The following SIPA1L2 variants were observed in gnomAD, a reference collection of about 807,000 sequenced individuals.
SIPA1L2 encodes signal-induced proliferation-associated 1-like protein 2.
Under a neutral mutation model 163.9 loss-of-function variants are expected in SIPA1L2, and 56 were observed. That is an observed-to-expected ratio of 0.34 (90% CI 0.28 to 0.43). SIPA1L2 has a LOEUF of 0.43. Among genes scored for constraint, SIPA1L2 ranks in the 20% least tolerant of loss-of-function variants. SIPA1L2 has a pLI of 1.00. For synonymous variants in SIPA1L2, 877 were observed against 865.7 expected, an observed-to-expected ratio of 1.01 and a Z score of -0.23; for missense variants, 1,974 against 2,193.5, an observed-to-expected ratio of 0.90 and a Z score of 2.00.
chr1:232,482,464 GA>G (rs1665411561), intron 6 of SIPA1L2, among the ~76,000 whole-genome samples: 2 of 151,568 alleles, frequency 1.3e-5, no homozygotes, highest in Admixed American at 1.3e-4. Context: ...AAGAAAATCA[GA>G]AAAGGTCTCA....
At chr1:232,571,659 G>A (rs1271399742) in intron 2 of SIPA1L2, among the ~76,000 whole-genome samples, 2 of 152,200 alleles carry the variant, frequency 1.3e-5, no homozygotes, top group East Asian at 3.9e-4. Flanking sequence ...AATCATGGAG[G>A]TGGATCCCTC....
chr1:232,620,415 C>T (rs1400468398), intron 1 of SIPA1L2, among the ~76,000 whole-genome samples: 1 of 152,154 alleles, frequency 6.6e-6, no homozygotes, highest in Non-Finnish European at 1.5e-5. Context: ...TAAGCCTTTG[C>T]TATTGGAATA....
intron 1 of SIPA1L2, among the ~76,000 whole-genome samples, chr1:232,621,099 A>C (rs145440152): frequency 6.6e-6 from 1 of 152,256 alleles, no homozygotes; most frequent in African/African-American, 2.4e-5. Flanking sequence ...GGCTAAAAAA[A>C]ATGTTCTCTG....
At chr1:232,516,308 T>G (rs1394479513) in intron 2 of SIPA1L2, among the ~76,000 whole-genome samples, 1 of 152,240 alleles carries the variant, frequency 6.6e-6, no homozygotes. Context: ...AGTGAGATAC[T>G]GGGTAAGAAG....
intron 10 of SIPA1L2, among the ~76,000 whole-genome samples, chr1:232,447,465 T>C (rs184322711): frequency 6.6e-6 from 1 of 152,326 alleles, no homozygotes; most frequent in Non-Finnish European, 1.5e-5. Context: ...TGCTGCACAG[T>C]GCAAAGGATG....
At chr1:232,416,576 T>C (rs1661278705) in intron 18 of SIPA1L2, among the ~76,000 whole-genome samples, 1 of 152,200 alleles carries the variant, frequency 6.6e-6, no homozygotes, top group South Asian at 2.1e-4. Flanking sequence ...ACAATCTCCA[T>C]CCTGATTCAT....
chr1:232,514,670 C>T lies in SIPA1L2; in HGVS notation c.670G>A (p.Ala224Thr). ...TCAGGGAACCCAAAAGGGACCATTG[C>T]TTTGTGGTCATAATTTTCTACTCGG... The part of the protein sequence containing the change: ...GYRVENYDHK[A>T]MVPFGFPEFF... The change falls in exon 3 of 23, where the codon GCA becomes ACA. Residue 224 changes from alanine to threonine, a missense_variant. Transcript: ENST00000674635. 1.2e-6 allele frequency: 2 copies of T among 1,614,170 alleles called. No homozygotes were observed. Among genetic ancestry groups the T allele is most frequent in the Non-Finnish European group, 1.7e-6 (2 of 1,180,032 alleles).
intron 6 of SIPA1L2, among the ~76,000 whole-genome samples, chr1:232,481,410 C>T (rs1301713813): frequency 6.6e-6 from 1 of 152,036 alleles, no homozygotes; most frequent in Non-Finnish European, 1.5e-5. Context: ...AAGAGAAATG[C>T]TGACTGATAT....
At chr1:232,575,085 A>C (rs866470649) in intron 1 of SIPA1L2, among the ~76,000 whole-genome samples, 1 of 152,174 alleles carries the variant, frequency 6.6e-6, no homozygotes, top group Non-Finnish European at 1.5e-5. Flanking sequence ...ATTTCTGCAA[A>C]CTCAACTACA....
chr1:232,621,301 C>T (rs1471021622), intron 1 of SIPA1L2, among the ~76,000 whole-genome samples: 1 of 152,156 alleles, frequency 6.6e-6, no homozygotes, highest in African/African-American at 2.4e-5. Flanking sequence ...CCACTTCCCC[C>T]TTTCAGTGAT....
intron 10 of SIPA1L2, among the ~76,000 whole-genome samples, chr1:232,448,885 T>C (rs2102882442): frequency 6.6e-6 from 1 of 152,210 alleles, no homozygotes; most frequent in South Asian, 2.1e-4. Flanking sequence ...GCAGTGGTTT[T>C]TAGAGAACAG....
chr1:232,439,389 G>A lies in SIPA1L2; in HGVS notation c.3750C>T (p.Pro1250=), dbSNP rs779538128. ...TGATGTAGGTCAGCCCCAGTAATTC[G>A]GGGTCCATCAGGTCGCCAGACCCAA... ...KHFGSGDLMD[P]ELLGLTYIKG... The change falls in exon 15 of 23, where the codon CCC becomes CCT. Residue 1250 remains proline (P), a synonymous_variant. Coordinates refer to ENST00000674635, the MANE Select transcript of SIPA1L2 (RefSeq NM_020808.5). 53 of 1,614,164 alleles carry A rather than the reference G, an allele frequency of 3.3e-5. No homozygotes were observed. In the East Asian group the frequency reaches 8.9e-4, roughly 27 times the overall value.
chr1:232,578,163 G>C (rs745668002), intron 1 of SIPA1L2, among the ~76,000 whole-genome samples: 1 of 152,092 alleles, frequency 6.6e-6, no homozygotes, highest in Non-Finnish European at 1.5e-5. Context: ...TTAGCAAAAA[G>C]TATTTTTAAA....
intron 18 of SIPA1L2, among the ~76,000 whole-genome samples, chr1:232,422,578 T>C (rs2102802616): frequency 6.6e-6 from 1 of 152,286 alleles, no homozygotes; most frequent in African/African-American, 2.4e-5. Context: ...TCTCTCCTGG[T>C]GAAAGATTCT....
intron 18 of SIPA1L2, among the ~76,000 whole-genome samples, chr1:232,420,017 T>C (rs755901449): frequency 1.6e-4 from 24 of 152,122 alleles, no homozygotes; most frequent in Non-Finnish European, 2.5e-4. Context: ...GAGAGGGGTT[T>C]GGAGTAGGAT....
rs544076655 is a variant in SIPA1L2 at position 232,504,524 on chromosome 1, C to G, written c.1483+9333G>C. Among the ~76,000 whole-genome samples, 5 of 151,298 alleles carry G rather than the reference C, an allele frequency of 3.3e-5. No homozygotes were observed. The East Asian group carries it at 9.8e-4, about 30-fold the overall frequency. On this transcript the variant is annotated intron_variant, in intron 3 of 22. Transcript: ENST00000674635. Reference sequence around the variant, plus strand: ...CTGCACTCCAGCCTGGGCAACAGAGCGAGACTCCATCTCAGAAAGACAAAA... The same window carrying G: ...CTGCACTCCAGCCTGGGCAACAGAGGGAGACTCCATCTCAGAAAGACAAAA...
chr1:232,598,858 T>C (rs1326122690), intron 1 of SIPA1L2, among the ~76,000 whole-genome samples: 1 of 150,728 alleles, frequency 6.6e-6, no homozygotes, highest in East Asian at 1.9e-4. Flanking sequence ...ACCAAGCAAG[T>C]AGAGACTGGT....
At position 232,460,807 on chromosome 1, in the gene SIPA1L2, C is replaced by T. The variant is rs1373057392; in HGVS notation, c.3095+80G>A. 12 of 1,516,004 alleles carry T rather than the reference C, an allele frequency of 7.9e-6. No homozygotes were observed. In the Admixed American group the frequency reaches 1.8e-4, roughly 23 times the overall value. 93.9% of individuals were successfully genotyped at this position (1,516,004 alleles called of 1,614,324 possible). A position where few individuals can be genotyped will look rare whatever the true frequency, so the allele number is the denominator to read the frequency against. On this transcript the variant is annotated intron_variant, in intron 10 of 22. Transcript: ENST00000674635. Reference sequence around the variant, plus strand: ...CACACTTGACTGCATTTTCTGAGGACCTTGCAGGAGCACTGAGGACAGCCA... The same window carrying T: ...CACACTTGACTGCATTTTCTGAGGATCTTGCAGGAGCACTGAGGACAGCCA...
rs563100085 is a variant in SIPA1L2, at chr1:232,514,614, C to G, written c.726G>C (p.Pro242=). The G allele has an allele frequency of 6.2e-7, 1 of 1,614,024 alleles. No individual in the cohort carries two copies. Among genetic ancestry groups the G allele is most frequent in the Non-Finnish European group, 8.5e-7 (1 of 1,180,044 alleles). Residue 242 remains proline, a synonymous_variant, in exon 3 of 23, where the codon CCG becomes CCC. Transcript: ENST00000674635. The part of the protein sequence containing the change: ...EFFRCDPAIS[P]SLHAAAQISR... ...AAATCTGTGCTGCTGCATGAAGGCT[C>G]GGAGAGATTGCAGGGTCACAGCGGA...
Sources: allele counts gnomAD v4.1 joint callset (sites outside exome capture counted in the v4.1 genomes callset), GRCh38; gene constraint gnomAD v4.1.1; transcripts MANE v1.5; gene names NCBI Gene and HGNC (gene_info 2026-07-23, HGNC 2026-07-21).